Variants in HDAC2 observed in about 807,000 individuals in gnomAD.
The protein encoded by HDAC2 is histone deacetylase 2.
Under a neutral mutation model 68.5 loss-of-function variants are expected in HDAC2, and 5 were observed. That is an observed-to-expected ratio of 0.07 (90% CI 0.04 to 0.15). HDAC2 has a LOEUF of 0.15. Ranked by LOEUF, HDAC2 falls within the 10% of genes least tolerant of loss-of-function variation. The pLI is 1.00. For missense variants in HDAC2, 291 were observed against 600.8 expected (o/e 0.48, Z 5.39); for synonymous variants, 182 against 191.3 (o/e 0.95, Z 0.40).
chr6:113,945,302 A>T, intron 10 of HDAC2, 60 bp downstream of exon 10: 2 of 823,530 alleles, frequency 2.4e-6, no homozygotes, highest in Admixed American at 4.2e-5. Context: ...TGGCCCTTTA[A>T]AGCATACTAA....
intron 8 of HDAC2, 178 bp from the exon 9 acceptor site, chr6:113,946,326 T>C (rs890832623): frequency 4.2e-5 from 20 of 477,106 alleles, no homozygotes; most frequent in Non-Finnish European, 6.6e-5. Context: ...AAACACGTTA[T>C]ACAATAATAC....
chr6:113,941,200 G>T, intron 13 of HDAC2, 112 bp from the exon 14 acceptor site: 1 of 705,662 alleles, frequency 1.4e-6, no homozygotes. Context: ...CACATTAATT[G>T]ATAATGTCTT....
At position 113,934,745 on chromosome 6, in the gene HDAC2, C is replaced by A. The variant is rs565089147; in HGVS notation, c.*6313G>T. ...TAAATTTGGATTTCAAACAAAACAG[C>A]TTACAAAAGGGTGTTTGGCATCAAA... On this transcript the variant is annotated 3_prime_UTR_variant, in exon 14 of 14. Coordinates refer to ENST00000519065, the MANE Select transcript of HDAC2 (RefSeq NM_001527.4). The A allele has an allele frequency of 4.3e-4, 65 of 152,236 alleles. No homozygotes were observed. Among genetic ancestry groups the A allele is most frequent in the African/African-American group, 1.6e-3 (65 of 41,552 alleles). The allele number at this position is 152,236 out of a possible 1,614,324, so 9.4% of individuals were successfully genotyped here.
At position 113,934,563 on chromosome 6, in the gene HDAC2, G is replaced by T. The variant is rs1775962235; in HGVS notation, c.*6495C>A. On this transcript the variant is annotated 3_prime_UTR_variant, in exon 14 of 14. Transcript: ENST00000519065. ...TTACCTTACCTATAGGGGTCCAGAT[G>T]TGTTTTTCTGGGAAATCAGATTTAT... The T allele has an allele frequency of 1.3e-5, 2 of 152,148 alleles. No homozygotes were observed. The highest frequency in any genetic ancestry group is 4.1e-4 in the South Asian group (2 of 4,828). The allele number at this position is 152,148 out of a possible 1,614,324, so 9.4% of individuals were successfully genotyped here. A position where few individuals can be genotyped will look rare whatever the true frequency, so the allele number is the denominator to read the frequency against.
At chr6:113,967,059 T>C (rs1776840280) in intron 1 of HDAC2, among the ~76,000 whole-genome samples, 2 of 152,182 alleles carry the variant, frequency 1.3e-5, no homozygotes, top group African/African-American at 4.8e-5. Context: ...TAAATACAAG[T>C]CTAAGAAAAT....
chr6:113,950,042 A>G (rs751211121), intron 6 of HDAC2, among the ~76,000 whole-genome samples: 1 of 152,074 alleles, frequency 6.6e-6, no homozygotes, highest in Non-Finnish European at 1.5e-5. Flanking sequence ...CGGCCCCCCA[A>G]GGTGCTGGGA....
rs1347774212 is a variant in HDAC2, at chr6:113,945,380, T to C, written c.1073A>G (p.Glu358Gly). ...PSNMTNQNTPEYMEKIKQRLF... is the reference protein window; with the variant it reads ...PSNMTNQNTPGYMEKIKQRLF... Reference sequence around the variant, plus strand: ...TTCTTACTTTATCTTTTCCATATATTCTGGAGTGTTCTGGTTTGTCATGTT... The same window carrying C: ...TTCTTACTTTATCTTTTCCATATATCCTGGAGTGTTCTGGTTTGTCATGTT... The change falls in exon 10 of 14, where the codon GAA becomes GGA. Residue 358 changes from glutamate to glycine, a missense_variant. This residue lies in a region of HDAC2 where 154 missense variants were observed against 472.1 expected (regional missense o/e 0.33). Coordinates refer to ENST00000519065, the MANE Select transcript of HDAC2 (RefSeq NM_001527.4). 6.9e-7 allele frequency: 1 copy of C among 1,443,592 alleles called. No homozygotes were observed. The highest frequency in any genetic ancestry group is 1.2e-5 in the South Asian group (1 of 86,774). 89.4% of individuals were successfully genotyped at this position (1,443,592 alleles called of 1,614,324 possible).
chr6:113,971,090 G>A lies in HDAC2; in HGVS notation c.-182C>T, dbSNP rs147767769. On this transcript the variant is annotated 5_prime_UTR_variant, in exon 1 of 14. Transcript: ENST00000519065. Reference sequence around the variant, plus strand: ...CGCCGGGAAGGCTCGGTACCACCCGGCAGAGGTGCCGAAAGCTCGGAATCG... The same window carrying A: ...CGCCGGGAAGGCTCGGTACCACCCGACAGAGGTGCCGAAAGCTCGGAATCG... The A allele has an allele frequency of 1.0e-5, 16 of 1,549,446 alleles. 2 individuals carry two copies. The highest frequency in any genetic ancestry group is 3.6e-5 in the South Asian group (3 of 84,412).
At chr6:113,956,194 A>G (rs1247840542) in intron 4 of HDAC2, 43 bp from the exon 5 acceptor site, 3 of 1,520,788 alleles carry the variant, frequency 2.0e-6, no homozygotes, top group Non-Finnish European at 1.8e-6. Flanking sequence ...CATTTATCAT[A>G]AAAAAGTAGT....
At chr6:113,943,790 A>G (rs1776201428) in intron 11 of HDAC2, among the ~76,000 whole-genome samples, 1 of 152,140 alleles carries the variant, frequency 6.6e-6, no homozygotes, top group East Asian at 1.9e-4. Flanking sequence ...TGTTTTTCTA[A>G]TAGGGGATGG....
At position 113,969,877 on chromosome 6, in the gene HDAC2, A is replaced by ATT. The variant is rs1367150879; in HGVS notation, c.52+979_52+980insAA. The ATT allele has an allele frequency of 2.0e-5, 3 of 152,346 alleles. No homozygotes were observed. The South Asian group carries it at 6.2e-4, about 32-fold the overall frequency. 9.4% of individuals were successfully genotyped at this position (152,346 alleles called of 1,614,324 possible). On this transcript the variant is annotated intron_variant, in intron 1 of 13. Transcript: ENST00000519065. ...CCAGGATTCCCCACCACCTAGGAAC[A>ATT]GCCTTTGCAAGATACCAATGCTCTC...
intron 1 of HDAC2, chr6:113,970,513 A>G: frequency 8.5e-7 from 1 of 1,169,746 alleles, no homozygotes. Context: ...GGGAGAAGGG[A>G]GAGAATGGGC....
intron 8 of HDAC2, chr6:113,946,502 A>G (rs1488521214): frequency 6.3e-6 from 1 of 158,910 alleles, no homozygotes; most frequent in Non-Finnish European, 1.4e-5. Context: ...TTACAATAAA[A>G]CATTATGTAT....
At chr6:113,943,095 G>A (rs891133158) in intron 12 of HDAC2, among the ~76,000 whole-genome samples, 9 of 152,030 alleles carry the variant, frequency 5.9e-5, no homozygotes, top group Middle Eastern at 3.2e-3. Context: ...ATATCACAAT[G>A]CAATGTTCAC....
Position 113,943,353 on chromosome 6 carries a change from G to A in HDAC2, c.1376C>T (p.Thr459Ile). 1 of 1,593,242 alleles carries A rather than the reference G, an allele frequency of 6.3e-7. No individual in the cohort carries two copies. The highest frequency in any genetic ancestry group is 8.5e-7 in the Non-Finnish European group (1 of 1,173,414). Reference protein sequence around the residue: ...EDKKETEDKKTDVKEEDKSKD... With the variant: ...EDKKETEDKKIDVKEEDKSKD... ...AATTACCAAGAAACAAATCTGACCT[G>A]TTTTTTTGTCCTCTGTTTCTTTCTT... Residue 459 changes from threonine to isoleucine, a missense_variant and splice_region_variant, in exon 12 of 14, where the codon ACA becomes ATA. This residue lies in a region of HDAC2 where 137 missense variants were observed against 128.7 expected (regional missense o/e 1.06). Transcript: ENST00000519065.
At chr6:113,964,440 G>A (rs1384861277) in intron 1 of HDAC2, among the ~76,000 whole-genome samples, 1 of 151,946 alleles carries the variant, frequency 6.6e-6, no homozygotes, top group Non-Finnish European at 1.5e-5. Context: ...GATTTTACTT[G>A]TACCCCAAGG....
intron 6 of HDAC2, among the ~76,000 whole-genome samples, chr6:113,950,075 C>T (rs1776373849): frequency 6.6e-6 from 1 of 152,080 alleles, no homozygotes; most frequent in Admixed American, 6.6e-5. Flanking sequence ...GCTATGGTGC[C>T]CAGCCTCAGA....
chr6:113,942,963 CTTCT>C (rs869114069), intron 12 of HDAC2, among the ~76,000 whole-genome samples: 14 of 152,206 alleles, frequency 9.2e-5, no homozygotes, highest in African/African-American at 3.4e-4. Context: ...ATATGTAACT[CTTCT>C]TTGTGTTTTC....
chr6:113,963,139 G>A (rs1345492717), intron 1 of HDAC2, among the ~76,000 whole-genome samples: 3 of 151,284 alleles, frequency 2.0e-5, no homozygotes, highest in South Asian at 4.2e-4. Flanking sequence ...GCTGGAGTGC[G>A]GTGATGTGAT....
Sources: gnomAD v4.1 joint callset for allele counts (sites outside exome capture counted in the v4.1 genomes callset) on GRCh38, gnomAD v4.1.1 for gene constraint, gnomAD v4.1.1 regional missense constraint, MANE v1.5 for transcripts, NCBI Gene and HGNC (gene_info 2026-07-23, HGNC 2026-07-21) for gene names.